SLC8A3: variants seen among roughly 807,000 people sequenced by gnomAD.
SLC8A3 encodes the protein solute carrier family 8 member A3, also known as sodium/calcium exchanger 3.
A neutral mutation model predicts 65.4 loss-of-function variants in SLC8A3; 37 were observed. That is an observed-to-expected ratio of 0.57 (90% CI 0.44 to 0.74). The LOEUF is 0.74. SLC8A3 is among the 30% of genes least tolerant of loss of function. SLC8A3 has a pLI of 0.00. For synonymous variants in SLC8A3, 461 were observed against 444.5 expected (o/e 1.04, Z -0.47); for missense variants, 1,112 against 1,172.1 (o/e 0.95, Z 0.75).
At chr14:70,141,450 T>C (rs1003354918) in intron 2 of SLC8A3, among the ~76,000 whole-genome samples, 1 of 152,202 alleles carries the variant, frequency 6.6e-6, no homozygotes, top group East Asian at 1.9e-4. Flanking sequence ...CTTGCTGAAG[T>C]GTATGTAGCT....
Position 70,046,438 on chromosome 14 carries a change from A to G in SLC8A3, c.2390-115T>C. On this transcript the variant is annotated intron_variant, in intron 6 of 6. Coordinates refer to ENST00000356921, the MANE Select transcript of SLC8A3 (RefSeq NM_182932.3). This position sits in a 1 kb window ranked among gnomAD's most constrained non-coding sequence, Gnocchi z 4.2. ...GGTGGGCTGAACCCAGGAATGAGAG[A>G]CAAGGGCTAGGGGGCCACTCCTAAC... 3 of 1,115,424 alleles carry G rather than the reference A, an allele frequency of 2.7e-6. No homozygotes were observed. Among genetic ancestry groups the G allele is most frequent in the African/African-American group, 3.1e-5 (2 of 64,262 alleles). 69.1% of individuals were successfully genotyped at this position (1,115,424 alleles called of 1,614,324 possible).
rs373215415 is a variant in SLC8A3 at position 70,054,533 on chromosome 14, G to A, written c.1889-2419C>T. Reference sequence around the variant, plus strand: ...TGTGAGGGGGGGCGGGTGGAGGAAAGAGTTGGAACAAAGAAGCCTTACATA... The same window carrying A: ...TGTGAGGGGGGGCGGGTGGAGGAAAAAGTTGGAACAAAGAAGCCTTACATA... On this transcript the variant is annotated intron_variant, in intron 3 of 6. Transcript: ENST00000356921. Among the ~76,000 whole-genome samples the A allele has an allele frequency of 1.2e-4, 19 of 152,260 alleles. No individual in the cohort carries two copies. The East Asian group carries it at 1.3e-3, about 11-fold the overall frequency.
intron 3 of SLC8A3, chr14:70,059,407 T>G (rs980387686): frequency 3.3e-5 from 5 of 152,222 alleles, no homozygotes; most frequent in African/African-American, 1.2e-4. Context: ...TTTCACTGCT[T>G]CATTTGCTAG....
In SLC8A3 at chr14:70,178,853, C is replaced by A. The variant is rs536026030; in HGVS notation, c.-63+9526G>T. 4.6e-5 allele frequency among the ~76,000 whole-genome samples: 7 copies of A among 152,284 alleles called. No individual in the cohort carries two copies. In the South Asian group the frequency reaches 1.5e-3, roughly 32 times the overall value. On this transcript the variant is annotated intron_variant, in intron 1 of 6. Transcript: ENST00000356921. The stretch of plus-strand genomic sequence containing the variant: ...AACAGCTGCCAACCTTGCTCCACCC[C>A]TTATAATCTACTCTCCACAAAACAG...
intron 2 of SLC8A3, among the ~76,000 whole-genome samples, chr14:70,135,684 A>T (rs1168941096): frequency 1.4e-5 from 2 of 141,794 alleles, no homozygotes; most frequent in Non-Finnish European, 3.0e-5. Context: ...TATGAGAGCT[A>T]TAAAAAAAAA....
intron 1 of SLC8A3, among the ~76,000 whole-genome samples, chr14:70,175,471 A>G (rs567584988): frequency 8.5e-5 from 13 of 152,280 alleles, no homozygotes; most frequent in Middle Eastern, 3.4e-3. Flanking sequence ...GGGATGGTGG[A>G]AGAGTAGGCT....
intron 3 of SLC8A3, 37 bp downstream of exon 3, chr14:70,060,799 T>C: frequency 2.0e-6 from 2 of 1,016,538 alleles, no homozygotes; most frequent in East Asian, 2.4e-5. Flanking sequence ...TTTTTCTTTC[T>C]TTTTTTTTGT....
intron 1 of SLC8A3, among the ~76,000 whole-genome samples, chr14:70,178,314 C>G (rs1882413722): frequency 6.6e-6 from 1 of 152,164 alleles, no homozygotes; most frequent in South Asian, 2.1e-4. Flanking sequence ...TTCAATAGAC[C>G]AGACTGTGAT....
chr14:70,051,687 G>C (rs1033392586), intron 4 of SLC8A3, among the ~76,000 whole-genome samples: 2 of 152,126 alleles, frequency 1.3e-5, no homozygotes, highest in African/African-American at 4.8e-5. Context: ...CCCTGTAGTA[G>C]TGAGTTTTAA....
At chr14:70,175,386 G>A (rs1321512782) in intron 1 of SLC8A3, among the ~76,000 whole-genome samples, 4 of 152,182 alleles carry the variant, frequency 2.6e-5, no homozygotes, top group Non-Finnish European at 4.4e-5. Context: ...TACCAGCTGA[G>A]CAAGTGGCAA....
At chr14:70,108,399 CAAAAAAAAAA>C (rs764907002) in intron 2 of SLC8A3, among the ~76,000 whole-genome samples, 1 of 92,064 alleles carries the variant, frequency 1.1e-5, no homozygotes, top group Non-Finnish European at 2.3e-5. Flanking sequence ...GACTCCGTCT[CAAAAAAAAAA>C]AAAAAGAAAA....
rs1883535146 is a variant in SLC8A3 at position 70,188,449 on chromosome 14, G to C, written c.-133C>G. Reference sequence around the variant, plus strand: ...GAGGAAGGTACGCGATGCCCCCGCCGCCCGGCGCCTCACCGGTCGCAGCGG... The same window carrying C: ...GAGGAAGGTACGCGATGCCCCCGCCCCCCGGCGCCTCACCGGTCGCAGCGG... On this transcript the variant is annotated 5_prime_UTR_variant, in exon 1 of 7. Coordinates refer to ENST00000356921, the MANE Select transcript of SLC8A3 (RefSeq NM_182932.3). The C allele has an allele frequency of 6.6e-6, 1 of 152,058 alleles. No homozygotes were observed. The highest frequency in any genetic ancestry group is 2.1e-4 in the South Asian group (1 of 4,838). The allele number at this position is 152,058 out of a possible 1,614,324, so 9.4% of individuals were successfully genotyped here. A position where few individuals can be genotyped will look rare whatever the true frequency, so the allele number is the denominator to read the frequency against.
intron 2 of SLC8A3, among the ~76,000 whole-genome samples, chr14:70,127,212 G>A (rs2140208844): frequency 6.6e-6 from 1 of 152,122 alleles, no homozygotes. Flanking sequence ...CTGTATTCCA[G>A]TCACCTACCA....
At chr14:70,164,047 T>C (rs1436734026) in intron 2 of SLC8A3, among the ~76,000 whole-genome samples, 1 of 152,186 alleles carries the variant, frequency 6.6e-6, no homozygotes, top group African/African-American at 2.4e-5. Context: ...TGAAGAATAT[T>C]GTTAATTCGT....
chr14:70,115,794 A>G (rs1346535998), intron 2 of SLC8A3, among the ~76,000 whole-genome samples: 1 of 152,184 alleles, frequency 6.6e-6, no homozygotes, highest in Non-Finnish European at 1.5e-5. Flanking sequence ...GCAAGTTACC[A>G]AATCTTTCTA....
intron 3 of SLC8A3, among the ~76,000 whole-genome samples, chr14:70,056,133 C>G (rs1001475034): frequency 2.0e-5 from 3 of 152,168 alleles, no homozygotes; most frequent in Non-Finnish European, 4.4e-5. Flanking sequence ...GTTGGTCACT[C>G]ATGACTGTGT....
chr14:70,158,392 A>T (rs1290413536), intron 2 of SLC8A3, among the ~76,000 whole-genome samples: 1 of 152,222 alleles, frequency 6.6e-6, no homozygotes, highest in Non-Finnish European at 1.5e-5. Context: ...AGGTCGACAA[A>T]TCAAGACCAA....
At chr14:70,126,545 A>G (rs922468176) in intron 2 of SLC8A3, among the ~76,000 whole-genome samples, 1 of 73,302 alleles carries the variant, frequency 1.4e-5, no homozygotes, top group African/African-American at 4.2e-5. Flanking sequence ...GAAGAAAGAA[A>G]ATTCTCTCTC....
chr14:70,059,428 G>A (rs1888517110), intron 3 of SLC8A3: 1 of 152,152 alleles, frequency 6.6e-6, no homozygotes, highest in Non-Finnish European at 1.5e-5. Context: ...GAGGCTCCCA[G>A]CAGCATATCT....
Sources: gnomAD v4.1 joint callset for allele counts (sites outside exome capture counted in the v4.1 genomes callset) on GRCh38, gnomAD v4.1.1 for gene constraint, Gnocchi (gnomAD v3.1) non-coding constraint, MANE v1.5 for transcripts, NCBI Gene and HGNC (gene_info 2026-07-23, HGNC 2026-07-21) for gene names.